The following VAV3 variants were observed in gnomAD, a reference collection of about 807,000 sequenced individuals.
The protein encoded by VAV3 is guanine nucleotide exchange factor VAV3.
A neutral mutation model predicts 131.2 loss-of-function variants in VAV3; 94 were observed. The observed-to-expected ratio is 0.72, with a 90% CI of 0.61 to 0.85. The LOEUF (loss-of-function observed/expected upper bound fraction) is 0.85. Among genes scored for constraint, VAV3 ranks in the 40% least tolerant of loss-of-function variants. The pLI, the probability that VAV3 is intolerant of heterozygous loss-of-function variation, is 0.00. For missense variants in VAV3, 939 were observed against 1,002.7 expected (o/e 0.94, Z 0.86); for synonymous variants, 349 against 342.0 (o/e 1.02, Z -0.22).
At chr1:107,761,392 C>CAAAAAAA (rs35391183) in intron 9 of VAV3, among the ~76,000 whole-genome samples, 2 of 102,504 alleles carry the variant, frequency 2.0e-5, no homozygotes, top group African/African-American at 3.7e-5. Context: ...GACTCCGTCT[C>CAAAAAAA]AAAAAAAAAA....
At chr1:107,812,029 GC>G (rs1283948765) in intron 2 of VAV3, among the ~76,000 whole-genome samples, 2 of 152,164 alleles carry the variant, frequency 1.3e-5, no homozygotes, top group African/African-American at 2.4e-5. Context: ...AAAAATGACA[GC>G]CTCTATAACA....
Position 107,624,894 on chromosome 1 carries a change from C to T in VAV3, c.1915-7262G>A, listed in dbSNP as rs148300385. Among the ~76,000 whole-genome samples the T allele has an allele frequency of 1.4e-4, 21 of 152,240 alleles. No homozygotes were observed. The East Asian group carries it at 3.9e-3, about 28-fold the overall frequency. Reference sequence around the variant, plus strand: ...CTTCAAGGATCTCATTCAGACAATGCCATTTCCTTAATTCACTTTTGCTTT... The same window carrying T: ...CTTCAAGGATCTCATTCAGACAATGTCATTTCCTTAATTCACTTTTGCTTT... On this transcript the variant is annotated intron_variant, in intron 20 of 26. Transcript: ENST00000370056.
chr1:107,605,902 T>C (rs1357874492), intron 22 of VAV3, among the ~76,000 whole-genome samples: 2 of 152,202 alleles, frequency 1.3e-5, no homozygotes, highest in Non-Finnish European at 2.9e-5. Flanking sequence ...ACTCAACCTA[T>C]AGCTGCATTA....
At chr1:107,656,652 A>G (rs1361617870) in intron 19 of VAV3, among the ~76,000 whole-genome samples, 1 of 152,196 alleles carries the variant, frequency 6.6e-6, no homozygotes. Context: ...AAGGTGGTAG[A>G]TATCCCAATG....
intron 3 of VAV3, among the ~76,000 whole-genome samples, chr1:107,778,923 G>A (rs932254031): frequency 4.6e-5 from 7 of 152,026 alleles, no homozygotes; most frequent in Non-Finnish European, 1.0e-4. Context: ...CTATTGCAAG[G>A]AGATGACATA....
At chr1:107,592,080 T>C (rs1279355875) in intron 25 of VAV3, among the ~76,000 whole-genome samples, 2 of 151,934 alleles carry the variant, frequency 1.3e-5, no homozygotes, top group East Asian at 3.9e-4. Flanking sequence ...TGTGTGTGTA[T>C]GTATCTTCCC....
chr1:107,586,648 G>A (rs1347640574), intron 25 of VAV3, among the ~76,000 whole-genome samples: 3 of 152,030 alleles, frequency 2.0e-5, no homozygotes, highest in Non-Finnish European at 2.9e-5. Flanking sequence ...CCATTTACAT[G>A]ATGAGGAATT....
chr1:107,695,129 A>G (rs1357443085), intron 17 of VAV3, among the ~76,000 whole-genome samples: 1 of 152,206 alleles, frequency 6.6e-6, no homozygotes, highest in Non-Finnish European at 1.5e-5. Context: ...AACTGTGAGT[A>G]GTTAAAGAGA....
In VAV3 at chr1:107,646,801, G is replaced by A. The variant is rs150148423; in HGVS notation, c.1778-4046C>T. Among the ~76,000 whole-genome samples the A allele has an allele frequency of 1.1e-3, 165 of 152,044 alleles. 1 individual carries two copies. The East Asian group carries it at 0.028, about 26-fold the overall frequency. ...GGATAGTTACACTCTACTAATAGTC[G>A]TGTGTTTCTGGTTAAATAAAACTAA... On this transcript the variant is annotated intron_variant, in intron 19 of 26. Transcript: ENST00000370056.
intron 2 of VAV3, among the ~76,000 whole-genome samples, chr1:107,832,396 C>A (rs1360778801): frequency 6.6e-6 from 1 of 152,152 alleles, no homozygotes; most frequent in African/African-American, 2.4e-5. Context: ...CAGGAAGAAC[C>A]TTCGAAAATG....
intron 2 of VAV3, among the ~76,000 whole-genome samples, chr1:107,831,165 GT>G (rs1668231768): frequency 6.6e-6 from 1 of 151,024 alleles, no homozygotes; most frequent in Non-Finnish European, 1.5e-5. Context: ...GGTTTTGTGA[GT>G]TTAAAAAAAA....
At chr1:107,773,688 G>A (rs1212028322) in intron 4 of VAV3, among the ~76,000 whole-genome samples, 8 of 152,168 alleles carry the variant, frequency 5.3e-5, no homozygotes, top group African/African-American at 1.9e-4. Context: ...CAGGGAGATG[G>A]TGATCCATAT....
chr1:107,704,508 G>A (rs1660327012), intron 17 of VAV3, 42 bp downstream of exon 17: 5 of 1,510,040 alleles, frequency 3.3e-6, no homozygotes, highest in Non-Finnish European at 4.6e-6. Flanking sequence ...CAAATTTTAT[G>A]TCCTCATTAA....
At chr1:107,667,882 G>A (rs1657523705) in intron 19 of VAV3, among the ~76,000 whole-genome samples, 1 of 152,106 alleles carries the variant, frequency 6.6e-6, no homozygotes, top group Admixed American at 6.6e-5. Flanking sequence ...TTCCTTGCTT[G>A]GAATCGTAGC....
chr1:107,955,554 A>T (rs1674768612), intron 1 of VAV3, among the ~76,000 whole-genome samples: 1 of 152,188 alleles, frequency 6.6e-6, no homozygotes, highest in African/African-American at 2.4e-5. Flanking sequence ...GCATTCTACC[A>T]GACACTGTGG....
intron 15 of VAV3, among the ~76,000 whole-genome samples, chr1:107,737,564 C>T (rs1417882949): frequency 6.6e-6 from 1 of 152,182 alleles, no homozygotes; most frequent in Non-Finnish European, 1.5e-5. Flanking sequence ...AGACACTTCT[C>T]AAAAGAAGAC....
At chr1:107,675,232 T>C (rs540789749) in intron 19 of VAV3, among the ~76,000 whole-genome samples, 5 of 152,334 alleles carry the variant, frequency 3.3e-5, no homozygotes, top group South Asian at 2.1e-4. Flanking sequence ...CAGGTATCTA[T>C]ATGTATCAAT....
At chr1:107,716,832 C>A (rs1423035667) in intron 15 of VAV3, among the ~76,000 whole-genome samples, 1 of 152,092 alleles carries the variant, frequency 6.6e-6, no homozygotes, top group East Asian at 1.9e-4. Flanking sequence ...CTTCCTTGTA[C>A]CTCTGGTAGA....
chr1:107,718,193 G>A (rs977381190), intron 15 of VAV3, among the ~76,000 whole-genome samples: 21 of 152,136 alleles, frequency 1.4e-4, no homozygotes, highest in African/African-American at 4.6e-4. Context: ...CATACTGTTG[G>A]AAGTTCTGGC....
Sources: gnomAD v4.1 joint callset for allele counts (sites outside exome capture counted in the v4.1 genomes callset) on GRCh38, gnomAD v4.1.1 for gene constraint, MANE v1.5 for transcripts, NCBI Gene and HGNC (gene_info 2026-07-23, HGNC 2026-07-21) for gene names.